NFATC3: variants seen among roughly 807,000 people sequenced by gnomAD.
NFATC3 encodes the protein nuclear factor of activated T-cells, cytoplasmic 3.
A neutral mutation model predicts 98.6 loss-of-function variants in NFATC3; 46 were observed. The ratio of observed to expected loss-of-function variants is 0.47; its 90% CI spans 0.37 to 0.60. NFATC3 has a LOEUF of 0.60. NFATC3 is among the 20% of genes least tolerant of loss of function. The probability of loss-of-function intolerance (pLI) is 0.00; values close to 1 mark genes in which losing one functional copy is unlikely to be tolerated. For synonymous variants in NFATC3, 512 were observed against 472.2 expected (o/e 1.08, Z -1.09); for missense variants, 1,256 against 1,295.5 (o/e 0.97, Z 0.47).
At chr16:68,161,439 A>G (rs550142764) in intron 4 of NFATC3, among the ~76,000 whole-genome samples, 2 of 152,362 alleles carry the variant, frequency 1.3e-5, no homozygotes, top group East Asian at 1.9e-4. Flanking sequence ...AGCCATGAAC[A>G]TACTTCATAA....
chr16:68,226,200 C>G (rs753067469), intron 9 of NFATC3, 150 bp from the exon 10 acceptor site: 25 of 812,298 alleles, frequency 3.1e-5, no homozygotes, highest in Non-Finnish European at 4.5e-5. Context: ...ATCTCTAATG[C>G]CACTCAGCTC....
chr16:68,228,677 CTT>C lies in NFATC3; in HGVS notation c.*2207_*2208del, dbSNP rs955115446. On this transcript the variant is annotated 3_prime_UTR_variant, in exon 10 of 10. Transcript: ENST00000346183. ...TATTTTTTGGCTTTGTAGATAAAGA[CTT>C]AAATTTTTGTGCAACATAGTGGTGT... The C allele has an allele frequency of 5.2e-5, 8 of 152,600 alleles. No individual in the cohort carries two copies. Among genetic ancestry groups the C allele is most frequent in the African/African-American group, 1.9e-4 (8 of 41,442 alleles). 9.5% of individuals were successfully genotyped at this position (152,600 alleles called of 1,614,324 possible).
intron 8 of NFATC3, among the ~76,000 whole-genome samples, chr16:68,187,648 C>G (rs2040261502): frequency 6.6e-6 from 1 of 152,096 alleles, no homozygotes; most frequent in South Asian, 2.1e-4. Context: ...TCTCAGCCCT[C>G]AGCAGAGAGG....
intron 7 of NFATC3, among the ~76,000 whole-genome samples, chr16:68,182,227 A>G (rs1211541111): frequency 6.6e-6 from 1 of 152,220 alleles, no homozygotes; most frequent in East Asian, 1.9e-4. Context: ...GTCCTTAGGA[A>G]TTGTGTACTT....
At chr16:68,206,618 A>C (rs1449797340) in intron 9 of NFATC3, among the ~76,000 whole-genome samples, 4 of 152,210 alleles carry the variant, frequency 2.6e-5, no homozygotes, top group African/African-American at 9.6e-5. Context: ...TTTACATATA[A>C]TATTCCATAT....
At chr16:68,191,909 A>G in intron 9 of NFATC3, 134 bp downstream of exon 9, 2 of 938,134 alleles carry the variant, frequency 2.1e-6, no homozygotes, top group South Asian at 1.7e-5. Flanking sequence ...TATTAGAAAT[A>G]TATGTTAATA....
chr16:68,220,261 C>A (rs1304395885), intron 9 of NFATC3, among the ~76,000 whole-genome samples: 3 of 152,164 alleles, frequency 2.0e-5, no homozygotes, highest in Admixed American at 6.6e-5. Context: ...CGGTGACTCA[C>A]GCCTGTAATC....
chr16:68,209,388 C>G (rs565563952), intron 9 of NFATC3: 47 of 156,692 alleles, frequency 3.0e-4, no homozygotes, highest in African/African-American at 1.1e-3. Flanking sequence ...AGTTCTTTCC[C>G]TGCCACTGCT....
chr16:68,104,429 T>C (rs1013261876), intron 1 of NFATC3, among the ~76,000 whole-genome samples: 3 of 152,198 alleles, frequency 2.0e-5, no homozygotes, highest in African/African-American at 4.8e-5. Flanking sequence ...GTAGAACTTA[T>C]GGGTTTTACT....
At chr16:68,155,881 G>C (rs954045221) in intron 3 of NFATC3, among the ~76,000 whole-genome samples, 1 of 152,160 alleles carries the variant, frequency 6.6e-6, no homozygotes, top group Non-Finnish European at 1.5e-5. Flanking sequence ...AGCAGACTGA[G>C]AGAAGGCTTA....
chr16:68,085,617 T>C lies in NFATC3; in HGVS notation c.-65T>C, dbSNP rs966279582. On this transcript the variant is annotated 5_prime_UTR_variant, in exon 1 of 10. Transcript: ENST00000346183. Reference sequence around the variant, plus strand: ...GCATGAAGCGGCGTTGAGGAGCTGCTGCCGCCGCTTGCCGCTGCCGCCGCC... The same window carrying C: ...GCATGAAGCGGCGTTGAGGAGCTGCCGCCGCCGCTTGCCGCTGCCGCCGCC... 1.4e-6 allele frequency: 2 copies of C among 1,396,990 alleles called. No homozygotes were observed. The highest frequency in any genetic ancestry group is 2.6e-5 in the South Asian group (2 of 75,508). The allele number at this position is 1,396,990 out of a possible 1,614,324, so 86.5% of individuals were successfully genotyped here. A position where few individuals can be genotyped will look rare whatever the true frequency, so the allele number is the denominator to read the frequency against.
At position 68,114,576 on chromosome 16, in the gene NFATC3, C is replaced by CTT. The variant is rs766989438; in HGVS notation, c.104-7395_104-7394dup. 5.0e-3 allele frequency among the ~76,000 whole-genome samples: 689 copies of CTT among 136,734 alleles called. 10 individuals carry two copies. Among genetic ancestry groups the CTT allele is most frequent in the African/African-American group, 0.016 (586 of 36,970 alleles). The allele number at this position is 136,734 out of a possible 152,430, so 89.7% of individuals were successfully genotyped here. A position where few individuals can be genotyped will look rare whatever the true frequency, so the allele number is the denominator to read the frequency against. On this transcript the variant is annotated intron_variant, in intron 1 of 9. Transcript: ENST00000346183. ...GCACATCAAGGGCCAAGGAAAAGCA[C>CTT]TTTTTTTTTTTTTTTTTGAGACGGA... is the stretch of plus-strand genomic sequence containing the variant.
intron 3 of NFATC3, among the ~76,000 whole-genome samples, chr16:68,152,651 G>A (rs1013799809): frequency 1.3e-5 from 2 of 152,162 alleles, no homozygotes; most frequent in African/African-American, 4.8e-5. Context: ...AGGTAGCTGG[G>A]ACTACAGGTG....
At chr16:68,180,243 A>G (rs1353136712) in intron 6 of NFATC3, among the ~76,000 whole-genome samples, 1 of 152,206 alleles carries the variant, frequency 6.6e-6, no homozygotes, top group African/African-American at 2.4e-5. Flanking sequence ...CAGCTTTTCA[A>G]CATCTGAAAT....
Position 68,229,023 on chromosome 16 carries a change from A to G in NFATC3, c.*2552A>G, listed in dbSNP as rs2042088895. On this transcript the variant is annotated 3_prime_UTR_variant, in exon 10 of 10. Coordinates refer to ENST00000346183, the MANE Select transcript of NFATC3 (RefSeq NM_173165.3). ...TTTTTGGTATTCAGAATGGATCTTT[A>G]AGGCTCAGATGGGCTCAAATTGAAA... The G allele has an allele frequency of 6.6e-6, 1 of 152,256 alleles. No individual in the cohort carries two copies. The highest frequency in any genetic ancestry group is 2.4e-5 in the African/African-American group (1 of 41,470). 9.4% of individuals were successfully genotyped at this position (152,256 alleles called of 1,614,324 possible). A position where few individuals can be genotyped will look rare whatever the true frequency, so the allele number is the denominator to read the frequency against.
intron 3 of NFATC3, among the ~76,000 whole-genome samples, chr16:68,152,155 G>C (rs1229004000): frequency 6.7e-6 from 1 of 149,066 alleles, no homozygotes; most frequent in Non-Finnish European, 1.5e-5. Flanking sequence ...TTGAGGTCAG[G>C]AGTTCAAGAC....
intron 3 of NFATC3, among the ~76,000 whole-genome samples, chr16:68,131,008 G>A (rs2037085195): frequency 6.6e-6 from 1 of 152,098 alleles, no homozygotes; most frequent in African/African-American, 2.4e-5. Flanking sequence ...GAGTCTGTGT[G>A]TCTGTTTTTA....
intron 9 of NFATC3, among the ~76,000 whole-genome samples, chr16:68,220,594 C>CT (rs575448565): frequency 1.2e-3 from 162 of 139,584 alleles, no homozygotes; most frequent in Middle Eastern, 3.7e-3. Flanking sequence ...TTTATTTTTC[C>CT]TTTTTTTTTT....
intron 1 of NFATC3, among the ~76,000 whole-genome samples, chr16:68,112,202 A>T (rs2151482645): frequency 6.7e-6 from 1 of 149,674 alleles, no homozygotes; most frequent in African/African-American, 2.5e-5. Context: ...TGATACCGTG[A>T]AGTATGTTTT....
Sources: gnomAD v4.1 joint callset for allele counts (sites outside exome capture counted in the v4.1 genomes callset) on GRCh38, gnomAD v4.1.1 for gene constraint, MANE v1.5 for transcripts, NCBI Gene and HGNC (gene_info 2026-07-23, HGNC 2026-07-21) for gene names.